BMPR1B: variants seen among roughly 807,000 people sequenced by gnomAD.
BMPR1B encodes the protein bone morphogenetic protein receptor type 1B, also known as bone morphogenetic protein receptor type-1B.
Under a neutral mutation model 59.1 loss-of-function variants are expected in BMPR1B, and 12 were observed. The ratio of observed to expected loss-of-function variants is 0.20; its 90% confidence interval spans 0.13 to 0.33. BMPR1B has a LOEUF of 0.33. Among genes scored for constraint, BMPR1B ranks in the 10% least tolerant of loss-of-function variants. BMPR1B has a pLI of 1.00. For synonymous variants in BMPR1B, 237 were observed against 207.3 expected, an observed-to-expected ratio of 1.14 and a Z score of -1.23; for missense variants, 550 against 610.9, an observed-to-expected ratio of 0.90 and a Z score of 1.05.
chr4:94,868,413 C>T (rs1352233255), intron 1 of BMPR1B, among the ~76,000 whole-genome samples: 3 of 152,122 alleles, frequency 2.0e-5, no homozygotes, highest in Non-Finnish European at 4.4e-5. Flanking sequence ...TCAAATGGTC[C>T]ACCCACCTCG....
chr4:95,061,628 T>A (rs1727405806), intron 3 of BMPR1B, among the ~76,000 whole-genome samples: 1 of 152,162 alleles, frequency 6.6e-6, no homozygotes, highest in African/African-American at 2.4e-5. Flanking sequence ...AGCAGAAAGT[T>A]GTTAGGTGAA....
At chr4:94,842,107 G>A (rs1725110673) in intron 1 of BMPR1B, among the ~76,000 whole-genome samples, 1 of 152,108 alleles carries the variant, frequency 6.6e-6, no homozygotes, top group African/African-American at 2.4e-5. Context: ...TGGACAAGTA[G>A]CCTGAAGCAC....
At chr4:94,968,092 T>C (rs1027798138) in intron 2 of BMPR1B, among the ~76,000 whole-genome samples, 7 of 152,226 alleles carry the variant, frequency 4.6e-5, no homozygotes, top group African/African-American at 1.4e-4. Context: ...GGACTTTTTC[T>C]TTCTTTTTCT....
At chr4:95,084,967 G>T (rs1048151311) in intron 3 of BMPR1B, among the ~76,000 whole-genome samples, 2 of 152,044 alleles carry the variant, frequency 1.3e-5, no homozygotes, top group African/African-American at 4.8e-5. Flanking sequence ...CCTGTTACAC[G>T]TGTGACTTGG....
At chr4:95,138,859 C>T (rs573467167) in intron 10 of BMPR1B, among the ~76,000 whole-genome samples, 1 of 152,284 alleles carries the variant, frequency 6.6e-6, no homozygotes, top group Non-Finnish European at 1.5e-5. Flanking sequence ...TGGCCATCCT[C>T]CTTTAGCTCG....
chr4:95,074,091 GGTAA>G (rs757874234), intron 3 of BMPR1B, among the ~76,000 whole-genome samples: 14 of 148,710 alleles, frequency 9.4e-5, no homozygotes, highest in Admixed American at 2.1e-4. Flanking sequence ...CTTTTGCCTT[GGTAA>G]GTGTTTTTTT....
At chr4:94,948,128 C>T (rs992023127) in intron 2 of BMPR1B, among the ~76,000 whole-genome samples, 5 of 152,238 alleles carry the variant, frequency 3.3e-5, no homozygotes, top group Non-Finnish European at 4.4e-5. Flanking sequence ...TGACTCCAAA[C>T]CTCTGTCCTT....
chr4:94,914,903 A>C (rs1728425087), intron 2 of BMPR1B, among the ~76,000 whole-genome samples: 2 of 152,186 alleles, frequency 1.3e-5, no homozygotes, highest in African/African-American at 4.8e-5. Flanking sequence ...TATGAATGCT[A>C]TAATATGCAT....
At chr4:94,841,436 C>A (rs532390370) in intron 1 of BMPR1B, among the ~76,000 whole-genome samples, 6,010 of 151,618 alleles carry the variant, frequency 0.04, 172 homozygotes, top group South Asian at 0.076. Flanking sequence ...TAGGACCCTC[C>A]GAGCCAGGTG....
intron 2 of BMPR1B, among the ~76,000 whole-genome samples, chr4:94,977,772 G>T (rs1248363562): frequency 6.6e-6 from 1 of 152,110 alleles, no homozygotes; most frequent in African/African-American, 2.4e-5. Context: ...CAGGAGAATC[G>T]CCTGAACCCA....
At position 95,106,035 on chromosome 4, in the gene BMPR1B, G is replaced by A. The variant is rs143098811; in HGVS notation, c.143+1468G>A. Among the ~76,000 whole-genome samples, 6 of 152,050 alleles carry A rather than the reference G, an allele frequency of 3.9e-5. No individual in the cohort carries two copies. In the East Asian group the frequency reaches 5.8e-4, roughly 15 times the overall value. On this transcript the variant is annotated intron_variant, in intron 4 of 12. Transcript: ENST00000515059. ...ATAAGCCATTTGGATGTCCTAAGTT[G>A]GTTTGATAGAAAGTGTTCAGTCAGG...
At chr4:94,791,276 A>C (rs956646703) in intron 1 of BMPR1B, among the ~76,000 whole-genome samples, 2 of 152,160 alleles carry the variant, frequency 1.3e-5, no homozygotes, top group African/African-American at 4.8e-5. Flanking sequence ...GGTGTGAGCC[A>C]ACCCGTCCAG....
At chr4:95,107,461 G>C (rs967048) in intron 4 of BMPR1B, among the ~76,000 whole-genome samples, 93,668 of 151,802 alleles carry the variant, frequency 0.62, 30,394 homozygotes, top group Middle Eastern at 0.73. Context: ...ACAGAAGAAA[G>C]AAAAACAGCC....
At chr4:94,762,251 C>T (rs189826677) in intron 1 of BMPR1B, among the ~76,000 whole-genome samples, 1 of 152,284 alleles carries the variant, frequency 6.6e-6, no homozygotes, top group Admixed American at 6.5e-5. Context: ...GACACAGATC[C>T]TTGCTGTCAT....
chr4:94,956,804 T>G (rs1253037965), intron 2 of BMPR1B, among the ~76,000 whole-genome samples: 1 of 110,566 alleles, frequency 9.0e-6, no homozygotes, highest in Non-Finnish European at 1.9e-5. Flanking sequence ...AGAAAGAATT[T>G]AATTTTTTTT....
intron 2 of BMPR1B, among the ~76,000 whole-genome samples, chr4:94,988,342 A>T (rs1005529100): frequency 6.6e-6 from 1 of 152,122 alleles, no homozygotes; most frequent in Non-Finnish European, 1.5e-5. Context: ...AGCAACAACT[A>T]TAACAAAAAT....
At chr4:95,069,427 TCTC>T (rs368086586) in intron 3 of BMPR1B, among the ~76,000 whole-genome samples, 2 of 152,190 alleles carry the variant, frequency 1.3e-5, no homozygotes, top group Non-Finnish European at 2.9e-5. Context: ...CAGGTGCACT[TCTC>T]CTTCAAGGCT....
intron 1 of BMPR1B, among the ~76,000 whole-genome samples, chr4:94,875,480 T>G (rs111534718): frequency 1.5e-3 from 225 of 152,182 alleles, no homozygotes; most frequent in Admixed American, 5.7e-3. Flanking sequence ...GTCAGGAGAT[T>G]GAGACCATCC....
chr4:94,968,884 C>T (rs1730664621), intron 2 of BMPR1B, among the ~76,000 whole-genome samples: 1 of 152,110 alleles, frequency 6.6e-6, no homozygotes, highest in South Asian at 2.1e-4. Context: ...ACGTTCTTTG[C>T]CATATTCCCT....
Sources: allele counts gnomAD v4.1 joint callset (sites outside exome capture counted in the v4.1 genomes callset), GRCh38; gene constraint gnomAD v4.1.1; transcripts MANE v1.5; gene names NCBI Gene and HGNC (gene_info 2026-07-23, HGNC 2026-07-21).